Variants in TRPC5OS observed in about 807,000 individuals in gnomAD.
The protein encoded by TRPC5OS is putative uncharacterized protein TRPC5OS.
For synonymous variants in TRPC5OS, 30 were observed against 29.3 expected (o/e 1.02, Z -0.08); for missense variants, 64 against 79.3 (o/e 0.81, Z 0.73).
chrX:111,888,367 G>A lies in TRPC5OS; in HGVS notation c.-545-7584G>A, dbSNP rs1436231276. 2.7e-5 allele frequency among the ~76,000 whole-genome samples: 3 copies of A among 109,717 alleles called. No individual in the cohort carries two copies. The East Asian group carries it at 8.6e-4, about 31-fold the overall frequency. On this transcript the variant is annotated intron_variant, in intron 1 of 3. Transcript: ENST00000635763. ...TGACTTCCATTTTAAAGGGATCACTGTCGGTCCTGTTGAAAAAGAGACTGT... is the reference window on the plus strand; with the variant it reads ...TGACTTCCATTTTAAAGGGATCACTATCGGTCCTGTTGAAAAAGAGACTGT...
At chrX:111,887,686 T>A (rs1300582242) in intron 1 of TRPC5OS, among the ~76,000 whole-genome samples, 1 of 112,115 alleles carries the variant, frequency 8.9e-6, no homozygotes, top group Non-Finnish European at 1.9e-5. Context: ...ATTAAGATGA[T>A]TAAATGGGAT....
In TRPC5OS at chrX:111,901,736, TG is replaced by T; in HGVS notation, c.-112del. 2.0e-6 allele frequency: 1 copy of T among 503,536 alleles called. No homozygotes were observed. The highest frequency in any genetic ancestry group is 2.4e-5 in the African/African-American group (1 of 42,175). 41.5% of individuals were successfully genotyped at this position (503,536 alleles called of 1,213,427 possible). ...ATAATCATATCAACATCCTAATTTC[TG>T]GCCTAAACCAACCACAGAACCATTG... On this transcript the variant is annotated 5_prime_UTR_variant, in exon 4 of 4. Transcript: ENST00000635763.
chrX:111,888,991 A>G (rs942615696), intron 1 of TRPC5OS, among the ~76,000 whole-genome samples: 8 of 111,986 alleles, frequency 7.1e-5, no homozygotes, highest in African/African-American at 2.6e-4. Context: ...AGAGAGTACC[A>G]AGGATTTAGT....
At chrX:111,876,695 T>C in intron 1 of TRPC5OS, among the ~76,000 whole-genome samples, 1 of 111,393 alleles carries the variant, frequency 9.0e-6, no homozygotes, top group Middle Eastern at 4.6e-3. Flanking sequence ...CTTTAATGAG[T>C]CTCTACCACC....
intron 1 of TRPC5OS, among the ~76,000 whole-genome samples, chrX:111,892,176 T>C (rs1924837923): frequency 8.9e-6 from 1 of 112,295 alleles, no homozygotes; most frequent in Non-Finnish European, 1.9e-5. Context: ...TTCTGAGATA[T>C]ATTCCTGAAG....
chrX:111,879,572 C>A (rs1427033631), intron 1 of TRPC5OS, among the ~76,000 whole-genome samples: 3 of 112,448 alleles, frequency 2.7e-5, no homozygotes, highest in Non-Finnish European at 5.6e-5. Flanking sequence ...ACTCTTAAGA[C>A]ACTAAAGAGT....
At chrX:111,876,619 C>G (rs181846862) in intron 1 of TRPC5OS, among the ~76,000 whole-genome samples, 23 of 111,531 alleles carry the variant, frequency 2.1e-4, no homozygotes, top group African/African-American at 7.5e-4. Context: ...CCAGTGAATT[C>G]TCTCTCAAGT....
Position 111,897,479 on chromosome X carries a change from C to T in TRPC5OS, c.-311+984C>T, listed in dbSNP as rs142150816. Among the ~76,000 whole-genome samples, 476 of 111,085 alleles carry T rather than the reference C, an allele frequency of 4.3e-3. 3 individuals carry two copies. Among genetic ancestry groups the T allele is most frequent in the African/African-American group, 0.015 (456 of 30,586 alleles). ...CGCATTCTCCTGTGTAACCCACAAC[C>T]GTACCTAAACATGATCATTACCATC... On this transcript the variant is annotated intron_variant, in intron 3 of 3. Coordinates refer to ENST00000635763, the MANE Select transcript of TRPC5OS (RefSeq NM_001195578.2).
chrX:111,901,109 T>A (rs1925320614), intron 3 of TRPC5OS, among the ~76,000 whole-genome samples: 2 of 111,532 alleles, frequency 1.8e-5, no homozygotes, highest in Admixed American at 1.9e-4. Flanking sequence ...ATATGGAGAA[T>A]ATAGGACTTT....
chrX:111,882,139 A>C (rs1388699273), intron 1 of TRPC5OS: 1 of 112,387 alleles, frequency 8.9e-6, no homozygotes, highest in African/African-American at 3.2e-5. Flanking sequence ...TTACAAACTT[A>C]TTACAAAATG....
intron 1 of TRPC5OS, among the ~76,000 whole-genome samples, chrX:111,881,239 C>T (rs1209120629): frequency 9.2e-6 from 1 of 108,824 alleles, no homozygotes; most frequent in Non-Finnish European, 1.9e-5. Context: ...TGTAGTGGCA[C>T]AATCTCTGCT....
intron 1 of TRPC5OS, among the ~76,000 whole-genome samples, chrX:111,881,730 A>G (rs1924235530): frequency 9.1e-6 from 1 of 110,230 alleles, no homozygotes; most frequent in South Asian, 4.0e-4. Flanking sequence ...TAAACTGCCA[A>G]TTGCTCATTA....
rs1925385751 is a variant in TRPC5OS, at chrX:111,902,169, A to T, written c.320A>T (p.Asp107Val). The change falls in exon 4 of 4, where the codon GAC becomes GTC. Residue 107 changes from aspartate (D) to valine (V), a missense_variant. By Grantham distance (152) the Asp-to-Val change is radical. Transcript: ENST00000635763. ...GATACAGTCTCTGGTATAAATGATGACTTAACAGGTGACTAAGACCCAATT... is the reference window on the plus strand; with the variant it reads ...GATACAGTCTCTGGTATAAATGATGTCTTAACAGGTGACTAAGACCCAATT... ...YEDTVSGIND[D>V]LTGD 1 of 1,121,404 alleles carries T rather than the reference A, an allele frequency of 8.9e-7. No homozygotes were observed. The highest frequency in any genetic ancestry group is 3.0e-5 in the Admixed American group (1 of 33,331). The allele number at this position is 1,121,404 out of a possible 1,213,427, so 92.4% of individuals were successfully genotyped here. A position where few individuals can be genotyped will look rare whatever the true frequency, so the allele number is the denominator to read the frequency against.
intron 3 of TRPC5OS, among the ~76,000 whole-genome samples, chrX:111,899,981 C>T (rs990592899): frequency 4.5e-5 from 5 of 110,301 alleles, no homozygotes; most frequent in African/African-American, 1.6e-4. Context: ...GGACAAACCC[C>T]ATGTGTACTG....
chrX:111,876,657 A>T (rs12009410), intron 1 of TRPC5OS, among the ~76,000 whole-genome samples: 10,946 of 110,980 alleles, frequency 0.099, 1,284 homozygotes, highest in African/African-American at 0.33. Context: ...TGACTTCCAG[A>T]TGATTCTGTT....
At chrX:111,898,251 TTATATATA>T (rs58112324) in intron 3 of TRPC5OS, among the ~76,000 whole-genome samples, 2,589 of 92,378 alleles carry the variant, frequency 0.028, 84 homozygotes, top group African/African-American at 0.095. Flanking sequence ...GTAGGGGTTC[TTATATATA>T]TATATATATA....
At chrX:111,881,700 C>A (rs143490335) in intron 1 of TRPC5OS, among the ~76,000 whole-genome samples, 2 of 108,153 alleles carry the variant, frequency 1.8e-5, no homozygotes, top group African/African-American at 6.8e-5. Context: ...TGTTTCCTGT[C>A]GCAGTGTGGT....
intron 1 of TRPC5OS, among the ~76,000 whole-genome samples, chrX:111,876,900 A>G (rs1184140208): frequency 9.0e-6 from 1 of 111,651 alleles, no homozygotes; most frequent in Non-Finnish European, 1.9e-5. Context: ...TTAGTCATTC[A>G]TAACAACATT....
In TRPC5OS at chrX:111,883,440, G is replaced by A. The variant is rs751967994; in HGVS notation, c.-546+7167G>A. The stretch of plus-strand genomic sequence containing the variant: ...CTAGCAAGATCATAAGTATAGTTTA[G>A]TCCTAGTCAGAACTTAGTTAAGACT... On this transcript the variant is annotated intron_variant, in intron 1 of 3. Transcript: ENST00000635763. 9.8e-5 allele frequency among the ~76,000 whole-genome samples: 11 copies of A among 112,466 alleles called. No homozygotes were observed. In the South Asian group the frequency reaches 1.8e-3, roughly 19 times the overall value.
Sources: allele counts gnomAD v4.1 joint callset (sites outside exome capture counted in the v4.1 genomes callset), GRCh38; gene constraint gnomAD v4.1.1; transcripts MANE v1.5; gene names NCBI Gene and HGNC (gene_info 2026-07-23, HGNC 2026-07-21).